The following PRH1 variants were observed in gnomAD, a reference collection of about 807,000 sequenced individuals.
PRH1 encodes proline rich protein HaeIII subfamily 1.
In PRH1, 7 loss-of-function variants were observed where a neutral mutation model predicts 7.9. That is an observed-to-expected ratio of 0.89 (90% CI 0.50 to 1.67). The LOEUF (loss-of-function observed/expected upper bound fraction) is 1.67. Ranked by LOEUF, PRH1 falls within the 40% of genes most tolerant of loss-of-function variation. The pLI is 0.00. For missense variants in PRH1, 109 were observed against 223.6 expected, an observed-to-expected ratio of 0.49 and a Z score of 3.27; for synonymous variants, 45 against 80.8, an observed-to-expected ratio of 0.56 and a Z score of 2.38.
At chr12:11,037,647 A>C (rs1942494086) in intron 1 of PRH1, among the ~76,000 whole-genome samples, 1 of 152,260 alleles carries the variant, frequency 6.6e-6, no homozygotes, top group Non-Finnish European at 1.5e-5. Flanking sequence ...AGTGTCTATC[A>C]ATAATAAATA....
intron 2 of PRH1, among the ~76,000 whole-genome samples, chr12:10,931,730 A>G (rs1414510682): frequency 6.6e-6 from 1 of 151,912 alleles, no homozygotes; most frequent in Non-Finnish European, 1.5e-5. Flanking sequence ...ACCACACTTT[A>G]TATTCAGTTC....
intron 1 of PRH1, among the ~76,000 whole-genome samples, chr12:11,157,825 G>A (rs1183748929): frequency 6.6e-6 from 1 of 152,184 alleles, no homozygotes; most frequent in African/African-American, 2.4e-5. Flanking sequence ...TGATAGTGGT[G>A]GTGGTGGTGA....
intron 1 of PRH1, among the ~76,000 whole-genome samples, chr12:11,102,215 A>C (rs1034417570): frequency 1.4e-4 from 21 of 152,224 alleles, no homozygotes; most frequent in Admixed American, 1.2e-3. Flanking sequence ...ATGGAACCAA[A>C]AAAGAGCCTG....
intron 1 of PRH1, among the ~76,000 whole-genome samples, chr12:11,135,628 TG>T (rs1479701528): frequency 6.6e-6 from 1 of 152,128 alleles, no homozygotes; most frequent in Non-Finnish European, 1.5e-5. Context: ...ACCAAGAGTG[TG>T]GGAAATGTGT....
intron 1 of PRH1, among the ~76,000 whole-genome samples, chr12:11,063,322 A>T (rs1347864069): frequency 6.6e-6 from 1 of 152,036 alleles, no homozygotes. Flanking sequence ...AAATTACTAC[A>T]CTTTGCATAG....
intron 1 of PRH1, chr12:11,133,560 G>A: frequency 4.3e-6 from 7 of 1,614,216 alleles, no homozygotes; most frequent in Non-Finnish European, 5.9e-6. Flanking sequence ...GTCACAGTTT[G>A]CAAAGCTTTT....
intron 2 of PRH1, among the ~76,000 whole-genome samples, chr12:10,901,051 C>T (rs1949716222): frequency 6.6e-6 from 1 of 152,164 alleles, no homozygotes; most frequent in African/African-American, 2.4e-5. Context: ...GCAGGGAGGT[C>T]CTCTCTGCTG....
At chr12:10,961,020 T>C (rs1938213054) in intron 2 of PRH1, among the ~76,000 whole-genome samples, 1 of 152,180 alleles carries the variant, frequency 6.6e-6, no homozygotes, top group South Asian at 2.1e-4. Flanking sequence ...TGGTCTCAAG[T>C]GGAAACCAGA....
chr12:10,941,576 T>TTA (rs1950402046), intron 2 of PRH1, among the ~76,000 whole-genome samples: 1 of 149,092 alleles, frequency 6.7e-6, no homozygotes, highest in Non-Finnish European at 1.5e-5. Context: ...ATTATTAAAA[T>TTA]TTATTATTTA....
At chr12:10,887,186 C>T (rs1949504848), upstream of PRH1, among the ~76,000 whole-genome samples, 1 of 152,158 alleles carries the variant, frequency 6.6e-6, no homozygotes, top group African/African-American at 2.4e-5. Context: ...TCACCATGCT[C>T]TAGTTTGCCT....
intron 2 of PRH1, among the ~76,000 whole-genome samples, chr12:10,912,765 T>C (rs941602280): frequency 6.6e-6 from 1 of 152,136 alleles, no homozygotes; most frequent in Admixed American, 6.5e-5. Flanking sequence ...AAAATATATG[T>C]TCGAGTTTCC....
chr12:10,997,345 C>G (rs1940322845), intron 1 of PRH1: 5 of 1,614,040 alleles, frequency 3.1e-6, no homozygotes, highest in Non-Finnish European at 4.2e-6. Flanking sequence ...TGGCTACAGT[C>G]AAGTTGGAAA....
intron 1 of PRH1, among the ~76,000 whole-genome samples, chr12:11,019,378 C>A (rs73047135): frequency 6.9e-6 from 1 of 144,224 alleles, no homozygotes; most frequent in African/African-American, 2.6e-5. Flanking sequence ...TCCACATTTA[C>A]CCCTCATTGC....
chr12:11,162,344 T>C (rs1035176447), intron 1 of PRH1, among the ~76,000 whole-genome samples: 1 of 152,046 alleles, frequency 6.6e-6, no homozygotes, highest in Admixed American at 6.6e-5. Context: ...ATGGGAGGAG[T>C]TTATTGTTGC....
intron 1 of PRH1, among the ~76,000 whole-genome samples, chr12:11,114,654 T>TA (rs1317187285): frequency 1.3e-5 from 2 of 151,846 alleles, no homozygotes; most frequent in Non-Finnish European, 2.9e-5. Flanking sequence ...AAAGTATAAT[T>TA]AAAAAAATAA....
chr12:11,027,947 A>G (rs184250303), intron 1 of PRH1, among the ~76,000 whole-genome samples: 158 of 152,352 alleles, frequency 1.0e-3, no homozygotes, highest in African/African-American at 3.7e-3. Context: ...ACCCTATGCA[A>G]CTGTGGACGT....
chr12:11,027,926 A>C (rs947451769), intron 1 of PRH1, among the ~76,000 whole-genome samples: 1 of 152,230 alleles, frequency 6.6e-6, no homozygotes. Flanking sequence ...ACAAGTCCCT[A>C]TAAGCACAAA....
rs1944812580 is a variant in PRH1, at chr12:11,089,594, CT to C, written n.124-42407del. On this transcript the variant is annotated intron_variant and non_coding_transcript_variant, in intron 1 of 4. Coordinates refer to the PRH1 transcript ENST00000541977. Reference sequence around the variant, plus strand: ...GCCATTTTTGTCTTGAATTTGACTTCTAAATAAATGTTAGCACTTTAATAAC... The same window carrying C: ...GCCATTTTTGTCTTGAATTTGACTTCAAATAAATGTTAGCACTTTAATAAC... 4.6e-5 allele frequency among the ~76,000 whole-genome samples: 6 copies of C among 129,684 alleles called. 1 individual carries two copies. The highest frequency in any genetic ancestry group is 1.6e-4 in the African/African-American group (6 of 37,116). 85.1% of individuals were successfully genotyped at this position (129,684 alleles called of 152,430 possible). A position where few individuals can be genotyped will look rare whatever the true frequency, so the allele number is the denominator to read the frequency against.
At chr12:10,902,590 C>T (rs1949738127) in intron 2 of PRH1, among the ~76,000 whole-genome samples, 1 of 151,930 alleles carries the variant, frequency 6.6e-6, no homozygotes, top group African/African-American at 2.4e-5. Flanking sequence ...AAGGTCTACA[C>T]TAAAGAAAAA....
Sources: allele counts gnomAD v4.1 joint callset (sites outside exome capture counted in the v4.1 genomes callset), GRCh38; gene constraint gnomAD v4.1.1; transcripts MANE v1.5; gene names NCBI Gene and HGNC (gene_info 2026-07-23, HGNC 2026-07-21).